The following IRAK3 variants were observed in gnomAD, a reference collection of about 807,000 sequenced individuals.
The protein encoded by IRAK3 is interleukin-1 receptor-associated kinase 3.
In IRAK3, 57 loss-of-function variants were observed where a neutral mutation model predicts 56.6. That is an observed-to-expected ratio of 1.01 (90% CI 0.81 to 1.26). IRAK3 has a LOEUF of 1.26. Ranked by LOEUF, IRAK3 falls within the 50% of genes most tolerant of loss-of-function variation. IRAK3 has a pLI of 0.00. For synonymous variants in IRAK3, 258 were observed against 255.7 expected, an observed-to-expected ratio of 1.01 and a Z score of -0.09; for missense variants, 703 against 719.0, an observed-to-expected ratio of 0.98 and a Z score of 0.25.
At chr12:66,245,529 C>CTTTTT (rs745553622) in intron 11 of IRAK3, among the ~76,000 whole-genome samples, 38 of 75,386 alleles carry the variant, frequency 5.0e-4, no homozygotes, top group South Asian at 1.7e-3. Context: ...TTTATTCAAT[C>CTTTTT]TTTTTTTTTT....
intron 2 of IRAK3, among the ~76,000 whole-genome samples, chr12:66,204,402 A>G (rs1300396031): frequency 6.6e-6 from 1 of 152,186 alleles, no homozygotes; most frequent in East Asian, 1.9e-4. Context: ...TTTTTACACC[A>G]CAGCGTTTAA....
chr12:66,202,952 C>T (rs2052523600), intron 1 of IRAK3, among the ~76,000 whole-genome samples: 1 of 151,370 alleles, frequency 6.6e-6, no homozygotes, highest in Non-Finnish European at 1.5e-5. Flanking sequence ...ATCCATGAGC[C>T]CATAGATATA....
intron 5 of IRAK3, among the ~76,000 whole-genome samples, chr12:66,212,614 T>G (rs1429767385): frequency 6.6e-6 from 1 of 152,102 alleles, no homozygotes; most frequent in Non-Finnish European, 1.5e-5. Flanking sequence ...AAACAAAAGA[T>G]TAAACTGTTG....
chr12:66,202,396 A>G (rs2052516729), intron 1 of IRAK3, among the ~76,000 whole-genome samples: 1 of 152,154 alleles, frequency 6.6e-6, no homozygotes, highest in African/African-American at 2.4e-5. Context: ...AGTCCTGGAA[A>G]GGGGAAAATA....
At chr12:66,194,210 C>G (rs1001980674) in intron 1 of IRAK3, among the ~76,000 whole-genome samples, 6 of 152,104 alleles carry the variant, frequency 3.9e-5, no homozygotes, top group African/African-American at 7.2e-5. Context: ...CCCAGGTAAG[C>G]CTGGTTTTTT....
Position 66,228,387 on chromosome 12 carries a change from C to T in IRAK3, c.887+17C>T, listed in dbSNP as rs776034396. 3.3e-5 allele frequency: 51 copies of T among 1,564,062 alleles called. No individual in the cohort carries two copies. Among genetic ancestry groups the T allele is most frequent in the Non-Finnish European group, 4.3e-5 (49 of 1,134,528 alleles). ...TATATCAAGGTAAATTATTCCAGAG[C>T]TTTTGGTTATACCTGAAAGCTTCTT... On this transcript the variant is annotated intron_variant, in intron 8 of 11. Transcript: ENST00000261233.
chr12:66,230,817 A>G (rs909773569), intron 8 of IRAK3, among the ~76,000 whole-genome samples: 1 of 152,040 alleles, frequency 6.6e-6, no homozygotes, highest in Non-Finnish European at 1.5e-5. Flanking sequence ...TCTTTTTCAC[A>G]TGTTTGCTCC....
intron 1 of IRAK3, among the ~76,000 whole-genome samples, chr12:66,190,755 A>G (rs954176221): frequency 6.6e-6 from 1 of 152,220 alleles, no homozygotes; most frequent in Non-Finnish European, 1.5e-5. Flanking sequence ...GGAAACTGGT[A>G]CAAATTGGTT....
intron 5 of IRAK3, among the ~76,000 whole-genome samples, chr12:66,215,279 C>T (rs937845072): frequency 4.6e-5 from 7 of 152,188 alleles, no homozygotes; most frequent in African/African-American, 1.7e-4. Context: ...ACTCTCTCTG[C>T]AGCTGCCACC....
At chr12:66,206,922 T>C (rs1201318435) in intron 2 of IRAK3, among the ~76,000 whole-genome samples, 1 of 152,212 alleles carries the variant, frequency 6.6e-6, no homozygotes, top group African/African-American at 2.4e-5. Flanking sequence ...TTTGCTTGAG[T>C]TAGTTTCAAT....
Position 66,247,704 on chromosome 12 carries a change from A to G in IRAK3, c.1324A>G (p.Thr442Ala), listed in dbSNP as rs1220441468. The change falls in exon 12 of 12, where the codon ACT (threonine) becomes GCT (alanine). Residue 442 changes from threonine to alanine, a missense_variant. By Grantham distance (58) the Thr-to-Ala change is moderately conservative. Transcript: ENST00000261233. Reference protein sequence around the residue: ...LRPSMDEVLNTLESTQASLYF... With the variant: ...LRPSMDEVLNALESTQASLYF... ...GCTTCTTTGTTATTAGGTTTTAAAT[A>G]CTCTTGAAAGTACTCAAGCCAGCTT... is the stretch of plus-strand genomic sequence containing the variant. The G allele has an allele frequency of 6.2e-7, 1 of 1,607,392 alleles. No homozygotes were observed. The highest frequency in any genetic ancestry group is 8.5e-7 in the Non-Finnish European group (1 of 1,174,010).
chr12:66,210,193 A>C lies in IRAK3; in HGVS notation c.428A>C (p.Asn143Thr). 6.2e-7 allele frequency: 1 copy of C among 1,601,832 alleles called. No individual in the cohort carries two copies. The highest frequency in any genetic ancestry group is 8.6e-7 in the Non-Finnish European group (1 of 1,169,524). Residue 143 changes from asparagine (N) to threonine (T), a missense_variant, in exon 4 of 12, where the codon AAT becomes ACT. By Grantham distance (65) the Asn-to-Thr change is moderately conservative (BLOSUM62 0). Coordinates refer to ENST00000261233, the MANE Select transcript of IRAK3 (RefSeq NM_007199.3). ...TVDNVLIPEH[N>T]EKGILLKSSI... ...GATAATGTTCTTATTCCTGAACATAATGAAAAAGGTATGAAAAAACCAGTT... is the reference window on the plus strand; with the variant it reads ...GATAATGTTCTTATTCCTGAACATACTGAAAAAGGTATGAAAAAACCAGTT...
chr12:66,207,493 G>GCAAA (rs1278012442), intron 2 of IRAK3, among the ~76,000 whole-genome samples: 6 of 149,054 alleles, frequency 4.0e-5, no homozygotes, highest in African/African-American at 1.5e-4. Flanking sequence ...ACAAAAAACA[G>GCAAA]CAAACAAACA....
intron 6 of IRAK3, among the ~76,000 whole-genome samples, chr12:66,217,521 G>C (rs991331964): frequency 1.3e-5 from 2 of 152,142 alleles, no homozygotes; most frequent in Non-Finnish European, 2.9e-5. Flanking sequence ...TAGAACATTA[G>C]AGTGGTCTAT....
At chr12:66,243,337 A>C (rs2052991786) in intron 8 of IRAK3, among the ~76,000 whole-genome samples, 1 of 152,196 alleles carries the variant, frequency 6.6e-6, no homozygotes, top group Non-Finnish European at 1.5e-5. Context: ...ATTTGTTCAG[A>C]ATTAAGAACT....
Position 66,228,293 on chromosome 12 carries a change from A to G in IRAK3, c.810A>G (p.Ile270Met). ...TCCCTTGGCACATTCGAATCGGTAT[A>G]TTAATAGGAATATCCAAAGCCATTC... The part of the protein sequence containing the change: ...APLPWHIRIG[I>M]LIGISKAIHY... Residue 270 changes from isoleucine to methionine, a missense_variant, in exon 8 of 12, where the codon ATA becomes ATG. Physicochemically the swap from Ile to Met is conservative, Grantham distance 10. Transcript: ENST00000261233. 6.2e-7 allele frequency: 1 copy of G among 1,614,180 alleles called. No individual in the cohort carries two copies. The highest frequency in any genetic ancestry group is 8.5e-7 in the Non-Finnish European group (1 of 1,180,018).
intron 1 of IRAK3, among the ~76,000 whole-genome samples, chr12:66,195,035 C>T (rs1226425701): frequency 6.6e-6 from 1 of 152,116 alleles, no homozygotes; most frequent in African/African-American, 2.4e-5. Flanking sequence ...ATCTATTTGC[C>T]TATTTGACAG....
intron 6 of IRAK3, among the ~76,000 whole-genome samples, chr12:66,221,031 T>C (rs1230666952): frequency 6.6e-6 from 1 of 152,258 alleles, no homozygotes; most frequent in African/African-American, 2.4e-5. Context: ...ATTTGTGTCT[T>C]CTTCAGTTTC....
intron 5 of IRAK3, among the ~76,000 whole-genome samples, chr12:66,214,428 C>T (rs2052645442): frequency 6.6e-6 from 1 of 151,944 alleles, no homozygotes; most frequent in Non-Finnish European, 1.5e-5. Context: ...GTAGTTCCAG[C>T]TACTCGAGAG....
Sources: gnomAD v4.1 joint callset for allele counts (sites outside exome capture counted in the v4.1 genomes callset) on GRCh38, gnomAD v4.1.1 for gene constraint, MANE v1.5 for transcripts, NCBI Gene and HGNC (gene_info 2026-07-23, HGNC 2026-07-21) for gene names.